Variants in PAIP1 observed in about 807,000 individuals in gnomAD.
The protein encoded by PAIP1 is polyadenylate-binding protein-interacting protein 1.
A neutral mutation model predicts 61.3 loss-of-function variants in PAIP1; 16 were observed. The ratio of observed to expected loss-of-function variants is 0.26; its 90% CI spans 0.18 to 0.40. The LOEUF (loss-of-function observed/expected upper bound fraction) is 0.40. Ranked by LOEUF, PAIP1 falls within the 10% of genes least tolerant of loss-of-function variation. The pLI is 1.00. For synonymous variants in PAIP1, 187 were observed against 226.2 expected (o/e 0.83, Z 1.56); for missense variants, 416 against 600.9 (o/e 0.69, Z 3.22).
chr5:43,545,774 A>AT (rs761073861), intron 3 of PAIP1, among the ~76,000 whole-genome samples: 10,542 of 142,176 alleles, frequency 0.074, 623 homozygotes, highest in African/African-American at 0.16. Context: ...TTAATCTGTC[A>AT]TTTTTTTTTT....
intron 6 of PAIP1, among the ~76,000 whole-genome samples, chr5:43,535,964 A>G (rs1747133874): frequency 7.1e-6 from 1 of 140,460 alleles, no homozygotes; most frequent in Non-Finnish European, 1.5e-5. Context: ...TACAGCAAGC[A>G]ACAAGTATAG....
intron 2 of PAIP1, among the ~76,000 whole-genome samples, chr5:43,550,703 GTGCCAAAGAC>G (rs1204556808): frequency 4.6e-5 from 7 of 150,910 alleles, no homozygotes; most frequent in Non-Finnish European, 1.0e-4. Context: ...TACCTACTAA[GTGCCAAAGAC>G]TGTCTTAGGG....
chr5:43,546,259 C>T (rs995467360), intron 3 of PAIP1, among the ~76,000 whole-genome samples: 2 of 152,252 alleles, frequency 1.3e-5, no homozygotes, highest in African/African-American at 2.4e-5. Flanking sequence ...TATCAGGTTA[C>T]TGACCCTTTG....
rs1027706099 is a variant in PAIP1 at position 43,531,916 on chromosome 5, T to C, written c.1252+1822A>G. Among the ~76,000 whole-genome samples, 61 of 152,060 alleles carry C rather than the reference T, an allele frequency of 4.0e-4. 1 individual carries two copies. Among genetic ancestry groups the C allele is most frequent in the African/African-American group, 1.3e-3 (56 of 41,514 alleles). On this transcript the variant is annotated intron_variant, in intron 9 of 10. Coordinates refer to ENST00000306846, the MANE Select transcript of PAIP1 (RefSeq NM_006451.5). ...ATAAAACAAAAATATAAGACAGAAG[T>C]AAGCATGTTTAGAATGATGAGAAAA...
intron 3 of PAIP1, among the ~76,000 whole-genome samples, chr5:43,545,575 T>G (rs577859435): frequency 3.5e-4 from 53 of 152,178 alleles, no homozygotes; most frequent in Non-Finnish European, 6.9e-4. Flanking sequence ...GATTCTCAGC[T>G]TTACCACCAC....
At chr5:43,539,116 G>C (rs1489374746) in intron 4 of PAIP1, 81 bp from the exon 5 acceptor site, 1 of 881,180 alleles carries the variant, frequency 1.1e-6, no homozygotes, top group Non-Finnish European at 1.9e-6. Flanking sequence ...TGTCAGTTTG[G>C]TTGTCCACAG....
At chr5:43,553,108 C>T (rs964787060) in intron 2 of PAIP1, among the ~76,000 whole-genome samples, 3 of 152,100 alleles carry the variant, frequency 2.0e-5, no homozygotes, top group East Asian at 3.8e-4. Context: ...TTCATCAATG[C>T]TTTATGAATT....
In PAIP1 at chr5:43,534,927, T is replaced by C; in HGVS notation, c.1123A>G (p.Ser375Gly). ...GTTGCATGGACTCTGCCCCAGTTAC[T>C]TGACCGGAGTTCTACAAGCTTCAAG... ...MLLKLVELRS[S>G]NWGRVHATST... Residue 375 changes from serine to glycine, a missense_variant, in exon 8 of 11, where the codon AGT becomes GGT. Around this residue, in one of 4 missense-constraint regions of PAIP1, gnomAD observed 135 missense variants for 283.9 expected, o/e 0.48. Coordinates refer to ENST00000306846, the MANE Select transcript of PAIP1 (RefSeq NM_006451.5). 1.9e-6 allele frequency: 3 copies of C among 1,610,778 alleles called. No homozygotes were observed. Among genetic ancestry groups the C allele is most frequent in the Non-Finnish European group, 2.5e-6 (3 of 1,177,014 alleles).
At chr5:43,538,637 CTG>C (rs1747254060) in intron 5 of PAIP1, among the ~76,000 whole-genome samples, 1 of 152,128 alleles carries the variant, frequency 6.6e-6, no homozygotes, top group Non-Finnish European at 1.5e-5. Flanking sequence ...AAAGGTATCA[CTG>C]TTGATATCTC....
At chr5:43,531,656 C>CAAAAGAAAAAAAAAAAAAA (rs1746936973) in intron 9 of PAIP1, among the ~76,000 whole-genome samples, 1 of 59,868 alleles carries the variant, frequency 1.7e-5, no homozygotes. Flanking sequence ...GACTCTGTCT[C>CAAAAGAAAAAAAAAAAAAA]AAAAAAAAAA....
intron 4 of PAIP1, 115 bp downstream of exon 4, chr5:43,542,889 T>C: frequency 1.8e-6 from 1 of 567,792 alleles, no homozygotes; most frequent in East Asian, 2.9e-5. Context: ...ATAATGCACA[T>C]AAGAATAGGC....
Position 43,533,809 on chromosome 5 carries a change from T to C in PAIP1, c.1198-17A>G, listed in dbSNP as rs1378883816. The C allele has an allele frequency of 1.4e-6, 2 of 1,430,956 alleles. No homozygotes were observed. 88.6% of individuals were successfully genotyped at this position (1,430,956 alleles called of 1,614,324 possible). A position where few individuals can be genotyped will look rare whatever the true frequency, so the allele number is the denominator to read the frequency against. On this transcript the variant is annotated splice_polypyrimidine_tract_variant and intron_variant, in intron 8 of 10. Coordinates refer to ENST00000306846, the MANE Select transcript of PAIP1 (RefSeq NM_006451.5). ...TGGTTCATTCTAGGATGAATCAAAG[T>C]GATAAAAATATGTAATCATTTCAGA...
At chr5:43,531,743 A>C (rs900952802) in intron 9 of PAIP1, among the ~76,000 whole-genome samples, 1 of 151,676 alleles carries the variant, frequency 6.6e-6, no homozygotes, top group African/African-American at 2.4e-5. Flanking sequence ...AACAAAAAGT[A>C]CACCTGGGTA....
intron 4 of PAIP1, among the ~76,000 whole-genome samples, chr5:43,541,529 T>TC (rs1266564683): frequency 1.3e-5 from 2 of 150,096 alleles, no homozygotes; most frequent in Non-Finnish European, 3.0e-5. Flanking sequence ...CATCTTTTTT[T>TC]CCCAAATGAC....
intron 5 of PAIP1, among the ~76,000 whole-genome samples, chr5:43,538,538 A>G (rs1747249635): frequency 6.6e-6 from 1 of 152,188 alleles, no homozygotes; most frequent in Non-Finnish European, 1.5e-5. Flanking sequence ...CTCTCTTTTC[A>G]CTCAGAGTTC....
At chr5:43,545,452 G>GT (rs547391026) in intron 3 of PAIP1, among the ~76,000 whole-genome samples, 16 of 152,342 alleles carry the variant, frequency 1.1e-4, no homozygotes, top group South Asian at 1.0e-3. Flanking sequence ...CAAACCGGCT[G>GT]TTCAGTGTAA....
chr5:43,556,893 T>C lies in PAIP1; in HGVS notation c.-47A>G. 7.4e-7 allele frequency: 1 copy of C among 1,353,464 alleles called. No homozygotes were observed. Among genetic ancestry groups the C allele is most frequent in the Non-Finnish European group, 9.5e-7 (1 of 1,056,492 alleles). The allele number at this position is 1,353,464 out of a possible 1,614,324, so 83.8% of individuals were successfully genotyped here. Reference sequence around the variant, plus strand: ...CCTCCAGGGGCCGCTGCCGCTGCGCTCGCGATAGGACGCGGGGGGAAGGCG... The same window carrying C: ...CCTCCAGGGGCCGCTGCCGCTGCGCCCGCGATAGGACGCGGGGGGAAGGCG... On this transcript the variant is annotated 5_prime_UTR_variant, in exon 1 of 11. Coordinates refer to ENST00000306846, the MANE Select transcript of PAIP1 (RefSeq NM_006451.5).
chr5:43,539,130 G>T, intron 4 of PAIP1, 95 bp from the exon 5 acceptor site: 1 of 787,064 alleles, frequency 1.3e-6, no homozygotes, highest in Non-Finnish European at 2.2e-6. Context: ...TCCACAGCAA[G>T]AGGCAAGGAC....
At chr5:43,549,687 A>C (rs1342011157) in intron 2 of PAIP1, among the ~76,000 whole-genome samples, 1 of 151,964 alleles carries the variant, frequency 6.6e-6, no homozygotes, top group Non-Finnish European at 1.5e-5. Flanking sequence ...CATCATTTGG[A>C]GGTCATGTTT....
Sources: allele counts gnomAD v4.1 joint callset (sites outside exome capture counted in the v4.1 genomes callset), GRCh38; gene constraint gnomAD v4.1.1; regional missense constraint gnomAD v4.1.1; transcripts MANE v1.5; gene names NCBI Gene and HGNC (gene_info 2026-07-23, HGNC 2026-07-21).